Variants in SLC39A11 observed in about 807,000 individuals in gnomAD.
SLC39A11 encodes the protein solute carrier family 39 member 11.
A neutral mutation model predicts 36.1 loss-of-function variants in SLC39A11; 33 were observed. That is an observed-to-expected ratio of 0.91 (90% confidence interval 0.69 to 1.22). The LOEUF is 1.22. SLC39A11 is among the 50% of genes most tolerant of loss of function. The pLI is 0.00. For synonymous variants in SLC39A11, 166 were observed against 170.3 expected (o/e 0.97, Z 0.20); for missense variants, 432 against 430.3 (o/e 1.00, Z -0.03).
intron 5 of SLC39A11, among the ~76,000 whole-genome samples, chr17:72,933,777 C>T (rs1211726687): frequency 6.6e-6 from 1 of 152,298 alleles, no homozygotes; most frequent in East Asian, 1.9e-4. Context: ...GACTCAGCCT[C>T]CCAAAGTGCT....
chr17:72,789,089 C>CAGTG (rs537592253), intron 6 of SLC39A11, among the ~76,000 whole-genome samples: 29 of 151,266 alleles, frequency 1.9e-4, no homozygotes, highest in East Asian at 1.2e-3. Context: ...GATTGGAATG[C>CAGTG]AGTGGCGCAA....
chr17:73,006,947 T>C (rs2090218278), intron 4 of SLC39A11, among the ~76,000 whole-genome samples: 1 of 152,138 alleles, frequency 6.6e-6, no homozygotes, highest in South Asian at 2.1e-4. Context: ...CACTCACTCT[T>C]TCCTGTAGCA....
chr17:72,805,409 T>C (rs1271931486), intron 6 of SLC39A11, among the ~76,000 whole-genome samples: 1 of 152,194 alleles, frequency 6.6e-6, no homozygotes, highest in African/African-American at 2.4e-5. Context: ...GGGAGATTGA[T>C]GGGTGAACTT....
At chr17:72,777,842 A>G (rs951438159) in intron 6 of SLC39A11, among the ~76,000 whole-genome samples, 6 of 149,562 alleles carry the variant, frequency 4.0e-5, no homozygotes, top group Non-Finnish European at 9.0e-5. Flanking sequence ...CTTTACGTAC[A>G]CTGTGTGTAT....
intron 7 of SLC39A11, among the ~76,000 whole-genome samples, chr17:72,680,775 T>C (rs1488703864): frequency 6.6e-6 from 1 of 152,228 alleles, no homozygotes; most frequent in Admixed American, 6.5e-5. Flanking sequence ...TATTGAATCA[T>C]GTATTTGTAT....
chr17:72,694,639 G>T (rs1014960017), intron 7 of SLC39A11, among the ~76,000 whole-genome samples: 7 of 152,230 alleles, frequency 4.6e-5, no homozygotes, highest in Admixed American at 3.3e-4. Flanking sequence ...GTGGCCAGAA[G>T]ATGACGGACA....
chr17:73,044,730 T>C (rs1486943547), intron 3 of SLC39A11, among the ~76,000 whole-genome samples: 1 of 151,860 alleles, frequency 6.6e-6, no homozygotes, highest in Non-Finnish European at 1.5e-5. Context: ...AAAAATTAGC[T>C]GGGGATGGTG....
At chr17:72,799,968 T>G (rs1426968458) in intron 6 of SLC39A11, among the ~76,000 whole-genome samples, 1 of 152,100 alleles carries the variant, frequency 6.6e-6, no homozygotes, top group African/African-American at 2.4e-5. Context: ...CAGGCGGGCA[T>G]CACGGTCCTA....
intron 6 of SLC39A11, among the ~76,000 whole-genome samples, chr17:72,792,495 G>A (rs1235429087): frequency 6.6e-6 from 1 of 152,194 alleles, no homozygotes; most frequent in Non-Finnish European, 1.5e-5. Context: ...GGTTTTGTGA[G>A]GCTCCAAGGT....
intron 4 of SLC39A11, among the ~76,000 whole-genome samples, chr17:73,011,994 G>A (rs976462106): frequency 6.6e-6 from 1 of 150,610 alleles, no homozygotes; most frequent in African/African-American, 2.4e-5. Context: ...CTGAAAGATG[G>A]CCAGGTGCGG....
chr17:73,056,250 C>T (rs984679558), intron 3 of SLC39A11, among the ~76,000 whole-genome samples: 1 of 151,912 alleles, frequency 6.6e-6, no homozygotes, highest in African/African-American at 2.4e-5. Context: ...CTCAATGTAA[C>T]CTCCACCTCC....
chr17:73,006,195 T>A (rs1168011313), intron 4 of SLC39A11, among the ~76,000 whole-genome samples: 3 of 152,168 alleles, frequency 2.0e-5, no homozygotes, highest in Non-Finnish European at 2.9e-5. Context: ...GTATTTTCCT[T>A]ACCTGTTGGA....
chr17:72,950,014 C>CT (rs1449753004), intron 4 of SLC39A11, among the ~76,000 whole-genome samples: 2 of 151,256 alleles, frequency 1.3e-5, no homozygotes, highest in Non-Finnish European at 2.9e-5. Context: ...TGTTTTTTCA[C>CT]TGTCATGATG....
intron 7 of SLC39A11, among the ~76,000 whole-genome samples, chr17:72,688,799 G>A (rs912244721): frequency 1.3e-5 from 2 of 152,216 alleles, no homozygotes; most frequent in Non-Finnish European, 2.9e-5. Flanking sequence ...CTGATGTAGA[G>A]GGGTCCAAGA....
chr17:73,054,839 G>A (rs1260789296), intron 3 of SLC39A11, among the ~76,000 whole-genome samples: 1 of 149,560 alleles, frequency 6.7e-6, no homozygotes, highest in Admixed American at 6.7e-5. Context: ...TTAGAGACAA[G>A]TGCTGGGGAG....
chr17:72,749,126 G>A (rs1311111264), intron 6 of SLC39A11, among the ~76,000 whole-genome samples: 1 of 152,226 alleles, frequency 6.6e-6, no homozygotes, highest in Non-Finnish European at 1.5e-5. Context: ...GCCGTCAGAA[G>A]AGCTGCCATC....
intron 5 of SLC39A11, among the ~76,000 whole-genome samples, chr17:72,933,721 T>C (rs1402974573): frequency 6.6e-6 from 1 of 152,128 alleles, no homozygotes; most frequent in Non-Finnish European, 1.5e-5. Flanking sequence ...GGTTTCACCA[T>C]GTTGGCCAGG....
chr17:72,692,527 T>C (rs2344340), intron 7 of SLC39A11, among the ~76,000 whole-genome samples: 137,246 of 152,246 alleles, frequency 0.9, 61,919 homozygotes, highest in East Asian at 0.95. Context: ...GAGGAAGAGG[T>C]AAAAGTGGAA....
intron 5 of SLC39A11, among the ~76,000 whole-genome samples, chr17:72,877,327 A>G (rs1421537486): frequency 5.3e-5 from 8 of 152,172 alleles, no homozygotes; most frequent in Non-Finnish European, 1.2e-4. Flanking sequence ...CATTCATGAC[A>G]CTGGGTCTCT....
Sources: allele counts gnomAD v4.1 joint callset (sites outside exome capture counted in the v4.1 genomes callset), GRCh38; gene constraint gnomAD v4.1.1; transcripts MANE v1.5; gene names NCBI Gene and HGNC (gene_info 2026-07-23, HGNC 2026-07-21).